Variants in BDKRB1 observed in about 807,000 individuals in gnomAD.
The protein encoded by BDKRB1 is bradykinin receptor B1.
For missense variants in BDKRB1, 414 were observed against 441.4 expected (o/e 0.94, Z 0.56); for synonymous variants, 192 against 189.1 (o/e 1.02, Z -0.13).
chr14:96,258,584 G>A (rs935509821), intron 1 of BDKRB1, among the ~76,000 whole-genome samples: 5 of 152,132 alleles, frequency 3.3e-5, no homozygotes, highest in East Asian at 1.9e-4. Flanking sequence ...GTAGTGGTGC[G>A]ATCTTGGCTC....
At chr14:96,262,410 T>G (rs1035802201) in intron 1 of BDKRB1, among the ~76,000 whole-genome samples, 4 of 152,144 alleles carry the variant, frequency 2.6e-5, no homozygotes, top group Non-Finnish European at 5.9e-5. Flanking sequence ...ATTTTCTAAT[T>G]GGCCAACTGG....
intron 1 of BDKRB1, chr14:96,259,520 T>A (rs1338856207): frequency 6.6e-6 from 1 of 152,278 alleles, no homozygotes; most frequent in East Asian, 1.9e-4. Context: ...CCAATCACAT[T>A]TCTGTTTCAT....
intron 1 of BDKRB1, among the ~76,000 whole-genome samples, chr14:96,260,533 A>T (rs1885722995): frequency 6.6e-6 from 1 of 152,210 alleles, no homozygotes; most frequent in African/African-American, 2.4e-5. Context: ...TCATTACTCC[A>T]AAAGGGTTTA....
chr14:96,263,633 C>G (rs1358308907), intron 2 of BDKRB1, 40 bp from the exon 3 acceptor site: 2 of 1,543,940 alleles, frequency 1.3e-6, no homozygotes, highest in Non-Finnish European at 8.7e-7. Context: ...AGGCTGTAGT[C>G]TGCCACTTCC....
At chr14:96,261,809 C>G (rs1885756404) in intron 1 of BDKRB1, among the ~76,000 whole-genome samples, 1 of 152,266 alleles carries the variant, frequency 6.6e-6, no homozygotes, top group Non-Finnish European at 1.5e-5. Context: ...GTGTAGGCAG[C>G]TGCTCATTCT....
chr14:96,262,088 C>G (rs1008990777), intron 1 of BDKRB1, among the ~76,000 whole-genome samples: 1 of 150,870 alleles, frequency 6.6e-6, no homozygotes, highest in Non-Finnish European at 1.5e-5. Flanking sequence ...ACTGTACCCA[C>G]CAGCTGTAGC....
At chr14:96,263,090 A>G (rs1452421183) in intron 2 of BDKRB1, among the ~76,000 whole-genome samples, 2 of 152,000 alleles carry the variant, frequency 1.3e-5, no homozygotes, top group Non-Finnish European at 1.5e-5. Context: ...CTGCAGCCCC[A>G]TGAGGCTGGG....
In BDKRB1 at chr14:96,264,120, G is replaced by A; in HGVS notation, c.438G>A (p.Arg146=). 1 of 1,595,954 alleles carries A rather than the reference G, an allele frequency of 6.3e-7. No individual in the cohort carries two copies. The highest frequency in any genetic ancestry group is 2.2e-5 in the East Asian group (1 of 44,730). Residue 146 remains arginine (R), a synonymous_variant, in exon 3 of 3, where the codon CGG becomes CGA. Transcript: ENST00000216629. The part of the protein sequence containing the change: ...YRVLVHPMAS[R]RQQRRRQARV... ...TGCTGGTGCACCCTATGGCCAGCCG[G>A]AGGCAGCAGCGGCGGAGGCAGGCCC...
rs1347165635 is a variant in BDKRB1 at position 96,264,026 on chromosome 14, G to A, written c.344G>A (p.Gly115Glu). ...GCCCTCCTCTGCCGTGTCATCAACGGGGTCATCAAGGCCAATTTGTTCATC... is the reference window on the plus strand; with the variant it reads ...GCCCTCCTCTGCCGTGTCATCAACGAGGTCATCAAGGCCAATTTGTTCATC... ...FGALLCRVIN[G>E]VIKANLFISI... Residue 115 changes from glycine (G) to glutamate (E), a missense_variant, in exon 3 of 3, where the codon GGG becomes GAG. By Grantham distance (98) the Gly-to-Glu change is moderately conservative (BLOSUM62 -2). Coordinates refer to ENST00000216629, the MANE Select transcript of BDKRB1 (RefSeq NM_000710.4). 6.2e-7 allele frequency: 1 copy of A among 1,614,076 alleles called. No individual in the cohort carries two copies. The highest frequency in any genetic ancestry group is 1.3e-5 in the African/African-American group (1 of 75,066).
In BDKRB1 at chr14:96,264,481, C is replaced by T. The variant is rs762479141; in HGVS notation, c.799C>T (p.His267Tyr). The T allele has an allele frequency of 1.1e-5, 18 of 1,614,072 alleles. 1 individual carries two copies. The Admixed American group carries it at 3.0e-4, about 27-fold the overall frequency. ...CTTCCTGGTCTGCTGGGCCCCTTAC[C>T]ACTTCTTTGCCTTCCTGGAATTCTT... ...VAFLVCWAPY[H>Y]FFAFLEFLFQ... Residue 267 changes from histidine to tyrosine, a missense_variant, in exon 3 of 3, where the codon CAC becomes TAC. His to Tyr is a moderately conservative substitution (Grantham distance 83). Coordinates refer to ENST00000216629, the MANE Select transcript of BDKRB1 (RefSeq NM_000710.4).
intron 1 of BDKRB1, among the ~76,000 whole-genome samples, chr14:96,262,256 G>A (rs140838895): frequency 1.1e-4 from 17 of 152,300 alleles, no homozygotes; most frequent in South Asian, 8.3e-4. Flanking sequence ...GTCATTCATC[G>A]CGTGGGGACA....
At position 96,263,955 on chromosome 14, in the gene BDKRB1, C is replaced by T. The variant is rs150403540; in HGVS notation, c.273C>T (p.Pro91=). 9.0e-5 allele frequency: 146 copies of T among 1,614,240 alleles called. No homozygotes were observed. The African/African-American group carries it at 1.7e-3, about 19-fold the overall frequency. Reference sequence around the variant, plus strand: ...ATCTGGTGTTTGTCTTGGGCTTGCCCTTCTGGGCAGAGAATATCTGGAACC... The same window carrying T: ...ATCTGGTGTTTGTCTTGGGCTTGCCTTTCTGGGCAGAGAATATCTGGAACC... The part of the protein sequence containing the change: ...ASDLVFVLGL[P]FWAENIWNQF... The change falls in exon 3 of 3, where the codon CCC becomes CCT. Residue 91 remains proline, a synonymous_variant. Coordinates refer to ENST00000216629, the MANE Select transcript of BDKRB1 (RefSeq NM_000710.4).
Position 96,263,910 on chromosome 14 carries a change from G to T in BDKRB1, c.228G>T (p.Leu76=), listed in dbSNP as rs780536808. Residue 76 remains leucine (L), a synonymous_variant, in exon 3 of 3, where the codon CTG becomes CTT. Transcript: ENST00000216629. ...RRQLNVAEIY[L]ANLAASDLVF... ...AACTGAACGTGGCAGAAATCTACCTGGCCAACCTGGCAGCCTCTGATCTGG... is the reference window on the plus strand; with the variant it reads ...AACTGAACGTGGCAGAAATCTACCTTGCCAACCTGGCAGCCTCTGATCTGG... The T allele has an allele frequency of 6.2e-7, 1 of 1,614,202 alleles. No homozygotes were observed. The highest frequency in any genetic ancestry group is 1.1e-5 in the South Asian group (1 of 91,088).
chr14:96,258,008 GGGAA>G (rs1196118891), intron 1 of BDKRB1, among the ~76,000 whole-genome samples: 53 of 148,962 alleles, frequency 3.6e-4, no homozygotes, highest in East Asian at 1.8e-3. Flanking sequence ...AGGGAATGAA[GGGAA>G]GGAAGGAAGG....
intron 2 of BDKRB1, 48 bp from the exon 3 acceptor site, chr14:96,263,625 G>T: frequency 1.3e-6 from 2 of 1,529,930 alleles, no homozygotes; most frequent in African/African-American, 1.4e-5. Flanking sequence ...TGGCTCATAG[G>T]CTGTAGTCTG....
In BDKRB1 at chr14:96,264,703, T is replaced by C; in HGVS notation, c.1021T>C (p.Ser341Pro). The change falls in exon 3 of 3, where the codon TCC becomes CCC. Residue 341 changes from serine to proline, a missense_variant. Physicochemically the swap from Ser to Pro is moderately conservative, Grantham distance 74. Coordinates refer to ENST00000216629, the MANE Select transcript of BDKRB1 (RefSeq NM_000710.4). ...TPKSLAPISS[S>P]HRKEIFQLFW... ...TAAAAGTCTTGCTCCAATATCTTCA[T>C]CCCATAGGAAAGAAATCTTCCAACT... 6.2e-7 allele frequency: 1 copy of C among 1,611,842 alleles called. No homozygotes were observed. Among genetic ancestry groups the C allele is most frequent in the Non-Finnish European group, 8.5e-7 (1 of 1,179,410 alleles).
chr14:96,257,982 AG>A (rs1359060107), intron 1 of BDKRB1, among the ~76,000 whole-genome samples: 1 of 149,802 alleles, frequency 6.7e-6, no homozygotes, highest in Non-Finnish European at 1.5e-5. Context: ...GAGGGTAGGG[AG>A]GGAAGGAGAG....
chr14:96,259,256 C>T (rs1401932818), intron 1 of BDKRB1, among the ~76,000 whole-genome samples: 1 of 149,640 alleles, frequency 6.7e-6, no homozygotes, highest in African/African-American at 2.5e-5. Context: ...TGTTTAATAA[C>T]ATTTTAGGAT....
Position 96,264,395 on chromosome 14 carries a change from C to A in BDKRB1, c.713C>A (p.Thr238Lys), listed in dbSNP as rs1322947044. Residue 238 changes from threonine (T) to lysine (K), a missense_variant, in exon 3 of 3, where the codon ACA becomes AAA. Physicochemically the swap from Thr to Lys is moderately conservative, Grantham distance 78. Coordinates refer to ENST00000216629, the MANE Select transcript of BDKRB1 (RefSeq NM_000710.4). ...CGAACGCGGGAGGAGGTCAGCAGGA[C>A]AAGGTGCGGGGGCCGCAAGGATAGC... Reference protein sequence around the residue: ...SLRTREEVSRTRCGGRKDSKT... With the variant: ...SLRTREEVSRKRCGGRKDSKT... 3.7e-6 allele frequency: 6 copies of A among 1,614,228 alleles called. No homozygotes were observed. The Middle Eastern group carries it at 8.2e-4, about 222-fold the overall frequency.
Sources: gnomAD v4.1 joint callset for allele counts (sites outside exome capture counted in the v4.1 genomes callset) on GRCh38, gnomAD v4.1.1 for gene constraint, MANE v1.5 for transcripts, NCBI Gene and HGNC (gene_info 2026-07-23, HGNC 2026-07-21) for gene names.